KATNAL2: variants seen among roughly 807,000 people sequenced by gnomAD.
KATNAL2 encodes katanin p60 ATPase-containing subunit A-like 2.
Under a neutral mutation model 76.3 loss-of-function variants are expected in KATNAL2, and 52 were observed. That is an observed-to-expected ratio of 0.68 (90% CI 0.55 to 0.86). KATNAL2 has a LOEUF of 0.86. Ranked by LOEUF, KATNAL2 falls within the 40% of genes least tolerant of loss-of-function variation. KATNAL2 has a pLI of 0.00. For synonymous variants in KATNAL2, 243 were observed against 244.2 expected, an observed-to-expected ratio of 1.00 and a Z score of 0.05; for missense variants, 660 against 668.9, an observed-to-expected ratio of 0.99 and a Z score of 0.15.
intron 3 of KATNAL2, among the ~76,000 whole-genome samples, chr18:46,961,313 G>A (rs1029911420): frequency 3.9e-5 from 6 of 152,172 alleles, no homozygotes; most frequent in Non-Finnish European, 8.8e-5. Context: ...GGTAGCAGGA[G>A]AAGTGGTGGT....
intron 1 of KATNAL2, among the ~76,000 whole-genome samples, chr18:46,940,448 C>A (rs1229309298): frequency 2.6e-5 from 4 of 152,178 alleles, no homozygotes; most frequent in Non-Finnish European, 4.4e-5. Context: ...CTCTCTTTGA[C>A]AGAGTTGACA....
chr18:47,068,227 T>A (rs1189834095), intron 11 of KATNAL2, among the ~76,000 whole-genome samples: 1 of 152,244 alleles, frequency 6.6e-6, no homozygotes, highest in Non-Finnish European at 1.5e-5. Context: ...GTGACCATTT[T>A]CTGTAATCTC....
intron 2 of KATNAL2, 60 bp from the exon 3 acceptor site, chr18:46,946,794 G>C: frequency 7.0e-7 from 1 of 1,422,292 alleles, no homozygotes; most frequent in Non-Finnish European, 9.6e-7. Flanking sequence ...CTGGTTAAGC[G>C]TCAGGTTCCT....
At chr18:47,062,757 C>T (rs1041942376) in intron 8 of KATNAL2, among the ~76,000 whole-genome samples, 2 of 152,238 alleles carry the variant, frequency 1.3e-5, no homozygotes, top group African/African-American at 2.4e-5. Context: ...TTCAAATCCA[C>T]TTCATTCTGG....
At chr18:46,942,166 A>T (rs2059264790) in intron 1 of KATNAL2, among the ~76,000 whole-genome samples, 1 of 149,900 alleles carries the variant, frequency 6.7e-6, no homozygotes, top group African/African-American at 2.5e-5. Flanking sequence ...ATATTCTTTG[A>T]AAAGAAATTT....
At chr18:46,944,366 C>T (rs376457963) in intron 1 of KATNAL2, among the ~76,000 whole-genome samples, 6 of 152,122 alleles carry the variant, frequency 3.9e-5, no homozygotes, top group East Asian at 1.9e-4. Context: ...AAATAAAAAA[C>T]GCGGTATAAT....
chr18:47,043,245 A>AAAAAAAAAAAAAAAAAAAAAGAT (rs376877321), intron 3 of KATNAL2, among the ~76,000 whole-genome samples: 1 of 93,176 alleles, frequency 1.1e-5, no homozygotes, highest in Non-Finnish European at 2.1e-5. Context: ...AAAAAAAAAA[A>AAAAAAAAAAAAAAAAAAAAAGAT]GAGATCCTAA....
intron 1 of KATNAL2, among the ~76,000 whole-genome samples, chr18:46,942,813 A>G (rs1213227323): frequency 6.6e-6 from 1 of 150,892 alleles, no homozygotes; most frequent in African/African-American, 2.4e-5. Context: ...TGGTCACATT[A>G]TTCTGCTTTT....
At chr18:46,954,347 C>G (rs1467411575) in intron 3 of KATNAL2, among the ~76,000 whole-genome samples, 1 of 44,328 alleles carries the variant, frequency 2.3e-5, no homozygotes, top group Non-Finnish European at 4.5e-5. Context: ...TTTTTTTTTT[C>G]CTGAGATGGA....
At chr18:46,926,977 T>C (rs530823146) in intron 1 of KATNAL2, among the ~76,000 whole-genome samples, 1 of 152,334 alleles carries the variant, frequency 6.6e-6, no homozygotes, top group Non-Finnish European at 1.5e-5. Context: ...CCTATGTGTG[T>C]CTCTGCATGT....
At chr18:46,938,792 T>A (rs939701412) in intron 1 of KATNAL2, among the ~76,000 whole-genome samples, 3 of 152,162 alleles carry the variant, frequency 2.0e-5, no homozygotes, top group Admixed American at 6.5e-5. Context: ...TTGTTTCAAC[T>A]CCCTTTATCC....
At chr18:46,955,167 T>TTTCTTTCTTTCTTTCTTTCTTTCC (rs2059700744) in intron 3 of KATNAL2, among the ~76,000 whole-genome samples, 3 of 147,892 alleles carry the variant, frequency 2.0e-5, no homozygotes, top group African/African-American at 2.5e-5. Flanking sequence ...TCTTTCTTTC[T>TTTCTTTCTTTCTTTCTTTCTTTCC]TTCTTTCTTT....
At chr18:47,073,400 T>C (rs553251892) in intron 13 of KATNAL2, among the ~76,000 whole-genome samples, 1 of 152,372 alleles carries the variant, frequency 6.6e-6, no homozygotes, top group East Asian at 1.9e-4. Flanking sequence ...TAACCTCTGC[T>C]AACCTCGAAG....
At chr18:47,078,383 T>C (rs1220244471) in intron 15 of KATNAL2, among the ~76,000 whole-genome samples, 4 of 152,262 alleles carry the variant, frequency 2.6e-5, no homozygotes, top group Non-Finnish European at 2.9e-5. Context: ...AATATACTCA[T>C]AATTTAAACC....
chr18:47,082,636 G>A (rs541781108), intron 15 of KATNAL2, among the ~76,000 whole-genome samples: 59 of 152,066 alleles, frequency 3.9e-4, no homozygotes, highest in African/African-American at 1.4e-3. Context: ...TTATAGCTGC[G>A]CAGGGCTCCA....
chr18:47,071,291 T>C (rs1170747967), intron 13 of KATNAL2, among the ~76,000 whole-genome samples: 7 of 152,172 alleles, frequency 4.6e-5, no homozygotes, highest in Non-Finnish European at 8.8e-5. Flanking sequence ...TGAGCCACCA[T>C]GCCTAGCTTC....
At chr18:47,058,108 C>T (rs1289400939) in intron 6 of KATNAL2, 127 bp from the exon 7 acceptor site, 3 of 699,668 alleles carry the variant, frequency 4.3e-6, no homozygotes, top group Non-Finnish European at 7.6e-6. Flanking sequence ...TGGAAGGGCC[C>T]TATAGTTGCC....
chr18:46,945,160 A>G (rs1599396907), intron 1 of KATNAL2, among the ~76,000 whole-genome samples: 1 of 152,230 alleles, frequency 6.6e-6, no homozygotes, highest in Non-Finnish European at 1.5e-5. Flanking sequence ...TGGCTCCCTC[A>G]TTAATGAGTT....
chr18:47,068,981 A>G (rs1251665861), intron 11 of KATNAL2, among the ~76,000 whole-genome samples: 1 of 152,218 alleles, frequency 6.6e-6, no homozygotes, highest in African/African-American at 2.4e-5. Context: ...CCTTCCAAAA[A>G]AATTGGTCCT....
Sources: allele counts gnomAD v4.1 joint callset (sites outside exome capture counted in the v4.1 genomes callset), GRCh38; gene constraint gnomAD v4.1.1; transcripts MANE v1.5; gene names NCBI Gene and HGNC (gene_info 2026-07-23, HGNC 2026-07-21).